The following TACR1 variants were observed in gnomAD, a reference collection of about 807,000 sequenced individuals.
TACR1 encodes the protein tachykinin receptor 1, also known as substance-P receptor.
A neutral mutation model predicts 35.8 loss-of-function variants in TACR1; 25 were observed. The ratio of observed to expected loss-of-function variants is 0.70; its 90% CI spans 0.51 to 0.98. The LOEUF (loss-of-function observed/expected upper bound fraction) is 0.98. TACR1 is among the 50% of genes least tolerant of loss of function. The probability of loss-of-function intolerance (pLI) is 0.00; values close to 1 mark genes in which losing one functional copy is unlikely to be tolerated. For missense variants in TACR1, 478 were observed against 522.9 expected, an observed-to-expected ratio of 0.91 and a Z score of 0.84; for synonymous variants, 195 against 206.7, an observed-to-expected ratio of 0.94 and a Z score of 0.48.
chr2:75,081,992 A>C (rs1280520175), intron 2 of TACR1, among the ~76,000 whole-genome samples: 1 of 151,822 alleles, frequency 6.6e-6, no homozygotes, highest in Non-Finnish European at 1.5e-5. Context: ...ACATATGTAT[A>C]CATGTGCTAT....
At chr2:75,167,383 G>A (rs1024625155) in intron 1 of TACR1, among the ~76,000 whole-genome samples, 2 of 152,184 alleles carry the variant, frequency 1.3e-5, no homozygotes, top group African/African-American at 4.8e-5. Context: ...GAAGGTACCT[G>A]CTTGCCTTGT....
chr2:75,064,116 G>T (rs1558540412), intron 2 of TACR1, among the ~76,000 whole-genome samples: 2 of 150,888 alleles, frequency 1.3e-5, no homozygotes, highest in African/African-American at 2.4e-5. Context: ...GTTCTGAAAA[G>T]GGTGCATTGC....
At position 75,047,861 on chromosome 2, in the gene TACR1, T is replaced by C. The variant is rs1000073018; in HGVS notation, c.*1571A>G. 2 of 152,208 alleles carry C rather than the reference T, an allele frequency of 1.3e-5. No homozygotes were observed. The highest frequency in any genetic ancestry group is 2.9e-5 in the Non-Finnish European group (2 of 68,032). The allele number at this position is 152,208 out of a possible 1,614,324, so 9.4% of individuals were successfully genotyped here. The stretch of plus-strand genomic sequence containing the variant: ...ATGCATTATTCTCCCCTTAATGTTA[T>C]GGATGCGGCACATGTGCATCCATTA... On this transcript the variant is annotated 3_prime_UTR_variant, in exon 5 of 5. Coordinates refer to ENST00000305249, the MANE Select transcript of TACR1 (RefSeq NM_001058.4).
chr2:75,076,242 T>A (rs1035950176), intron 2 of TACR1, among the ~76,000 whole-genome samples: 1 of 152,252 alleles, frequency 6.6e-6, no homozygotes, highest in Non-Finnish European at 1.5e-5. Flanking sequence ...CCTTGTCACA[T>A]GATGGATGCT....
At chr2:75,153,308 A>G (rs1460387556) in intron 1 of TACR1, among the ~76,000 whole-genome samples, 1 of 152,240 alleles carries the variant, frequency 6.6e-6, no homozygotes, top group Non-Finnish European at 1.5e-5. Context: ...GCAAGAAAGC[A>G]CAGGAATTGT....
intron 3 of TACR1, among the ~76,000 whole-genome samples, 195 bp downstream of exon 3, chr2:75,053,410 G>A (rs944337100): frequency 3.9e-5 from 6 of 152,136 alleles, no homozygotes; most frequent in Non-Finnish European, 5.9e-5. Context: ...AAGAGCAAGC[G>A]AAGTGGCTCA....
intron 1 of TACR1, among the ~76,000 whole-genome samples, chr2:75,165,597 T>C (rs943023738): frequency 1.6e-4 from 24 of 151,804 alleles, no homozygotes; most frequent in Middle Eastern, 3.4e-3. Context: ...CGGGAGCCAC[T>C]GCGCCTGGCC....
chr2:75,083,086 G>A (rs896792752), intron 2 of TACR1, among the ~76,000 whole-genome samples: 4 of 151,844 alleles, frequency 2.6e-5, no homozygotes, highest in Non-Finnish European at 4.4e-5. Context: ...TTAATCCATC[G>A]TGAATTAATT....
chr2:75,186,264 C>T (rs975780825), intron 1 of TACR1, among the ~76,000 whole-genome samples: 1 of 148,502 alleles, frequency 6.7e-6, no homozygotes, highest in Non-Finnish European at 1.5e-5. Context: ...CCCAGCTACT[C>T]GGGAGGCTGA....
chr2:75,049,407 C>T lies in TACR1; in HGVS notation c.*25G>A. The T allele has an allele frequency of 6.3e-7, 1 of 1,597,034 alleles. No homozygotes were observed. Among genetic ancestry groups the T allele is most frequent in the African/African-American group, 1.3e-5 (1 of 74,726 alleles). On this transcript the variant is annotated 3_prime_UTR_variant, in exon 5 of 5. Transcript: ENST00000305249. The stretch of plus-strand genomic sequence containing the variant: ...GGAGGCAGGTCAAAGGCAGTGGGGG[C>T]TGCACCTGCCAAAGGCCCTGTGGCC...
intron 2 of TACR1, among the ~76,000 whole-genome samples, chr2:75,084,633 A>G (rs560466484): frequency 2.0e-5 from 3 of 152,126 alleles, no homozygotes; most frequent in Non-Finnish European, 4.4e-5. Flanking sequence ...CAGAGATTCA[A>G]CTTCTTCCTG....
chr2:75,151,715 G>T (rs1205268572), intron 1 of TACR1, among the ~76,000 whole-genome samples: 1 of 152,138 alleles, frequency 6.6e-6, no homozygotes, highest in Non-Finnish European at 1.5e-5. Flanking sequence ...TGAGAAGAGG[G>T]CCACCATCCT....
chr2:75,199,343 G>C lies in TACR1; in HGVS notation c.-409C>G. On this transcript the variant is annotated 5_prime_UTR_variant, in exon 1 of 5. Coordinates refer to ENST00000305249, the MANE Select transcript of TACR1 (RefSeq NM_001058.4). ...TCCGCAGGGAAAGGCAAAGCCCTGTGCTGCGTGAGGACTTAGGAGCGAAGT... is the reference window on the plus strand; with the variant it reads ...TCCGCAGGGAAAGGCAAAGCCCTGTCCTGCGTGAGGACTTAGGAGCGAAGT... 2 of 191,394 alleles carry C rather than the reference G, an allele frequency of 1.0e-5. 1 individual carries two copies. Among genetic ancestry groups the C allele is most frequent in the South Asian group, 2.3e-4 (2 of 8,714 alleles). 11.9% of individuals were successfully genotyped at this position (191,394 alleles called of 1,614,324 possible).
intron 2 of TACR1, among the ~76,000 whole-genome samples, chr2:75,074,006 C>G (rs899111464): frequency 1.3e-5 from 2 of 152,048 alleles, no homozygotes; most frequent in East Asian, 3.9e-4. Context: ...GTGCATTGCC[C>G]AAATCAAAAA....
intron 2 of TACR1, among the ~76,000 whole-genome samples, chr2:75,090,231 A>G (rs1334393227): frequency 2.0e-5 from 3 of 152,186 alleles, no homozygotes; most frequent in African/African-American, 4.8e-5. Flanking sequence ...AACATATGAT[A>G]TAATTTACTT....
chr2:75,116,347 G>T (rs1572939448), intron 2 of TACR1, among the ~76,000 whole-genome samples: 1 of 152,092 alleles, frequency 6.6e-6, no homozygotes, highest in Non-Finnish European at 1.5e-5. Context: ...CGATCTACCT[G>T]CCTGGGCCTC....
At chr2:75,160,685 G>A (rs912700286) in intron 1 of TACR1, among the ~76,000 whole-genome samples, 1 of 150,412 alleles carries the variant, frequency 6.6e-6, no homozygotes, top group Non-Finnish European at 1.5e-5. Flanking sequence ...AAAAGGAAAA[G>A]AACAATAAGA....
At chr2:75,106,523 A>G (rs961386854) in intron 2 of TACR1, among the ~76,000 whole-genome samples, 3 of 152,034 alleles carry the variant, frequency 2.0e-5, no homozygotes, top group Non-Finnish European at 4.4e-5. Context: ...ATGCTGACAT[A>G]TATTGTAGAA....
At chr2:75,140,229 G>A (rs1674375873) in intron 1 of TACR1, among the ~76,000 whole-genome samples, 1 of 152,060 alleles carries the variant, frequency 6.6e-6, no homozygotes, top group Admixed American at 6.5e-5. Flanking sequence ...AGGAGGCTGG[G>A]TGGATGTAAG....
Sources: gnomAD v4.1 joint callset for allele counts (sites outside exome capture counted in the v4.1 genomes callset) on GRCh38, gnomAD v4.1.1 for gene constraint, MANE v1.5 for transcripts, NCBI Gene and HGNC (gene_info 2026-07-23, HGNC 2026-07-21) for gene names.